The following HSD17B2 variants were observed in gnomAD, a reference collection of about 807,000 sequenced individuals.
HSD17B2 encodes the protein 17-beta-hydroxysteroid dehydrogenase type 2.
Under a neutral mutation model 26.9 loss-of-function variants are expected in HSD17B2, and 32 were observed. The observed-to-expected ratio is 1.19, with a 90% CI of 0.90 to 1.60. The LOEUF (loss-of-function observed/expected upper bound fraction) is 1.60. Among genes scored for constraint, HSD17B2 ranks in the 40% most tolerant of loss-of-function variants. HSD17B2 has a pLI of 0.00. For missense variants in HSD17B2, 613 were observed against 468.6 expected (o/e 1.31, Z -2.85); for synonymous variants, 246 against 186.7 (o/e 1.32, Z -2.59).
rs576157954 is a variant in HSD17B2, at chr16:82,090,455, A to C, written c.665-447A>C. ...CGTCTCAGCCTCATGAGTAGCTGGG[A>C]TTACAGGCATGCGCCACCACGCCTG... On this transcript the variant is annotated intron_variant, in intron 3 of 4. Transcript: ENST00000199936. Among the ~76,000 whole-genome samples the C allele has an allele frequency of 2.6e-3, 396 of 151,458 alleles. 2 individuals carry two copies. The highest frequency in any genetic ancestry group is 6.7e-3 in the South Asian group (32 of 4,772).
chr16:82,063,520 T>C (rs1175316909), intron 1 of HSD17B2, among the ~76,000 whole-genome samples: 1 of 152,144 alleles, frequency 6.6e-6, no homozygotes, highest in Non-Finnish European at 1.5e-5. Context: ...TCTCCCGTGA[T>C]CTTTGGCTTC....
intron 3 of HSD17B2, among the ~76,000 whole-genome samples, chr16:82,085,401 T>A (rs930705899): frequency 7.9e-5 from 12 of 152,178 alleles, no homozygotes; most frequent in African/African-American, 2.9e-4. Context: ...CATTCTAACA[T>A]CCACAGAATG....
At chr16:82,043,795 C>A (rs1044360880) in intron 1 of HSD17B2, among the ~76,000 whole-genome samples, 3 of 151,634 alleles carry the variant, frequency 2.0e-5, no homozygotes, top group African/African-American at 7.3e-5. Flanking sequence ...ATTTCATCCA[C>A]TGGGGTTTTG....
Position 82,068,166 on chromosome 16 carries a change from G to T in HSD17B2, c.266-4G>T, listed in dbSNP as rs376928281. On this transcript the variant is annotated splice_region_variant and splice_polypyrimidine_tract_variant and intron_variant, in intron 1 of 4. Coordinates refer to ENST00000199936, the MANE Select transcript of HSD17B2 (RefSeq NM_002153.3). ...TCACTCCCTACTCCCCTGACCCTAT[G>T]CAGGTGGTGATTGCGGGCTTGGCCA... 3.7e-6 allele frequency: 6 copies of T among 1,613,858 alleles called. No individual in the cohort carries two copies. Among genetic ancestry groups the T allele is most frequent in the African/African-American group, 2.7e-5 (2 of 74,912 alleles).
chr16:82,095,290 G>T (rs990965369), intron 4 of HSD17B2: 5 of 152,216 alleles, frequency 3.3e-5, no homozygotes, highest in African/African-American at 1.2e-4. Context: ...TAAGCACGGT[G>T]TGTGCCTTCC....
At chr16:82,036,385 C>A (rs1379529654) in intron 1 of HSD17B2, among the ~76,000 whole-genome samples, 1 of 148,578 alleles carries the variant, frequency 6.7e-6, no homozygotes, top group Non-Finnish European at 1.5e-5. Flanking sequence ...AAGTGTGAGG[C>A]CAAATTAAAT....
chr16:82,089,660 C>G (rs4889457), intron 3 of HSD17B2, among the ~76,000 whole-genome samples: 1 of 152,166 alleles, frequency 6.6e-6, no homozygotes, highest in South Asian at 2.1e-4. Context: ...TGCTCCTTCT[C>G]GAGGCTCTGG....
rs150085508 is a variant in HSD17B2 at position 82,075,221 on chromosome 16, C to T, written c.664+4094C>T. On this transcript the variant is annotated intron_variant, in intron 3 of 4. Coordinates refer to ENST00000199936, the MANE Select transcript of HSD17B2 (RefSeq NM_002153.3). ...TAGTACTAAGAGGGAAGCTGGCTAC[C>T]GGCTATAAGTGCCTACATTAAAAAA... Among the ~76,000 whole-genome samples the T allele has an allele frequency of 8.3e-3, 1,263 of 151,984 alleles. 25 individuals carry two copies. Among genetic ancestry groups the T allele is most frequent in the African/African-American group, 0.028 (1,178 of 41,486 alleles).
intron 3 of HSD17B2, 31 bp from the exon 4 acceptor site, chr16:82,090,871 T>G: frequency 6.3e-7 from 1 of 1,579,210 alleles, no homozygotes; most frequent in Non-Finnish European, 8.6e-7. Context: ...CATTTCTAAC[T>G]TTGCTTCTTT....
chr16:82,074,460 G>A (rs953961560), intron 3 of HSD17B2, among the ~76,000 whole-genome samples: 1 of 152,170 alleles, frequency 6.6e-6, no homozygotes, highest in Non-Finnish European at 1.5e-5. Context: ...AACAGGGCCG[G>A]GAGTTTGTGT....
At chr16:82,036,320 T>TTGTGTGTGTGTGTGTGTG (rs10609893) in intron 1 of HSD17B2, among the ~76,000 whole-genome samples, 2 of 145,782 alleles carry the variant, frequency 1.4e-5, no homozygotes, top group African/African-American at 5.2e-5. Flanking sequence ...TTTCCCTTGT[T>TTGTGTGTGTGTGTGTGTG]TGTGTGTGTG....
chr16:82,098,313 G>C lies in HSD17B2; in HGVS notation c.1041G>C (p.Trp347Cys), dbSNP rs1301786761. 1.2e-6 allele frequency: 2 copies of C among 1,614,164 alleles called. No homozygotes were observed. Among genetic ancestry groups the C allele is most frequent in the Admixed American group, 3.3e-5 (2 of 60,024 alleles). ...CGCCAGGGAAAGGCGCTTACTTGTG[G>C]ATCTGCCTTGCTCACTATTTGCCTA... The part of the protein sequence containing the change: ...YYTPGKGAYL[W>C]ICLAHYLPIG... Residue 347 changes from tryptophan (W) to cysteine (C), a missense_variant, in exon 5 of 5, where the codon TGG becomes TGC. By Grantham distance (215) the Trp-to-Cys change is radical. Coordinates refer to ENST00000199936, the MANE Select transcript of HSD17B2 (RefSeq NM_002153.3).
At chr16:82,040,231 C>A (rs1005048941) in intron 1 of HSD17B2, among the ~76,000 whole-genome samples, 1 of 151,690 alleles carries the variant, frequency 6.6e-6, no homozygotes, top group Non-Finnish European at 1.5e-5. Context: ...ACTGAACAGT[C>A]CAAATAAGGT....
intron 1 of HSD17B2, among the ~76,000 whole-genome samples, chr16:82,064,751 T>C (rs752136840): frequency 2.4e-4 from 36 of 152,174 alleles, no homozygotes; most frequent in Non-Finnish European, 3.5e-4. Context: ...TGGAAAGCTA[T>C]CATGAGCCAA....
At chr16:82,088,546 A>C (rs1904593502) in intron 3 of HSD17B2, among the ~76,000 whole-genome samples, 1 of 152,112 alleles carries the variant, frequency 6.6e-6, no homozygotes, top group Non-Finnish European at 1.5e-5. Context: ...TATCTGACCA[A>C]CCTTCAACAT....
At chr16:82,079,360 C>T (rs1211202566) in intron 3 of HSD17B2, among the ~76,000 whole-genome samples, 1 of 152,134 alleles carries the variant, frequency 6.6e-6, no homozygotes, top group African/African-American at 2.4e-5. Flanking sequence ...TTCTCCTGAG[C>T]TCTCTCTCCT....
intron 3 of HSD17B2, among the ~76,000 whole-genome samples, chr16:82,087,081 C>T (rs1415747830): frequency 6.6e-6 from 1 of 152,048 alleles, no homozygotes; most frequent in African/African-American, 2.4e-5. Flanking sequence ...AGGATTAGGG[C>T]TTTGAGATAG....
chr16:82,094,321 A>T (rs751122543), intron 4 of HSD17B2: 1 of 151,976 alleles, frequency 6.6e-6, no homozygotes, highest in Admixed American at 6.6e-5. Context: ...AATCATACCA[A>T]CCTGTTTTCT....
intron 4 of HSD17B2, chr16:82,091,298 G>GT: frequency 2.0e-6 from 1 of 493,260 alleles, no homozygotes; most frequent in Non-Finnish European, 3.7e-6. Flanking sequence ...GCATGGCTCA[G>GT]TAAGTCAGAT....
Sources: allele counts gnomAD v4.1 joint callset (sites outside exome capture counted in the v4.1 genomes callset), GRCh38; gene constraint gnomAD v4.1.1; transcripts MANE v1.5; gene names NCBI Gene and HGNC (gene_info 2026-07-23, HGNC 2026-07-21).